Variants in CSGALNACT2 observed in about 807,000 individuals in gnomAD.
CSGALNACT2 encodes beta 4 GalNAcT-2.
Under a neutral mutation model 55.3 loss-of-function variants are expected in CSGALNACT2, and 35 were observed. That is an observed-to-expected ratio of 0.63 (90% CI 0.48 to 0.84). CSGALNACT2 has a LOEUF of 0.84. Among genes scored for constraint, CSGALNACT2 ranks in the 40% least tolerant of loss-of-function variants. CSGALNACT2 has a pLI of 0.00. For missense variants in CSGALNACT2, 544 were observed against 657.5 expected (o/e 0.83, Z 1.89); for synonymous variants, 196 against 224.9 (o/e 0.87, Z 1.15).
At chr10:43,161,057 T>C (rs988065667) in intron 4 of CSGALNACT2, among the ~76,000 whole-genome samples, 5 of 152,296 alleles carry the variant, frequency 3.3e-5, no homozygotes, top group African/African-American at 1.2e-4. Flanking sequence ...CTTTCACAGC[T>C]CAACATCACG....
chr10:43,183,725 T>C lies in CSGALNACT2; in HGVS notation c.*183T>C, dbSNP rs547688010. On this transcript the variant is annotated 3_prime_UTR_variant, in exon 8 of 8. Coordinates refer to ENST00000374466, the MANE Select transcript of CSGALNACT2 (RefSeq NM_018590.5). ...AAAACAAATGTTTCAACACAAAATC[T>C]CTGTTTTGTGAGAATACTGCACTAT... is the stretch of plus-strand genomic sequence containing the variant. The C allele has an allele frequency of 1.7e-6, 1 of 602,256 alleles. No homozygotes were observed. The highest frequency in any genetic ancestry group is 1.9e-5 in the African/African-American group (1 of 54,000). 37.3% of individuals were successfully genotyped at this position (602,256 alleles called of 1,614,324 possible). A position where few individuals can be genotyped will look rare whatever the true frequency, so the allele number is the denominator to read the frequency against.
chr10:43,164,168 A>T, intron 5 of CSGALNACT2, 124 bp downstream of exon 5: 1 of 730,442 alleles, frequency 1.4e-6, no homozygotes, highest in Non-Finnish European at 2.1e-6. Flanking sequence ...TTTTTAAGTT[A>T]TATTAGGCAT....
At chr10:43,181,031 C>A (rs1839579607) in intron 7 of CSGALNACT2, among the ~76,000 whole-genome samples, 1 of 152,218 alleles carries the variant, frequency 6.6e-6, no homozygotes, top group Admixed American at 6.5e-5. Flanking sequence ...TTTCCCCTTC[C>A]CCACTGCTGG....
At chr10:43,152,527 A>G (rs965100525) in intron 1 of CSGALNACT2, among the ~76,000 whole-genome samples, 6 of 152,348 alleles carry the variant, frequency 3.9e-5, no homozygotes, top group African/African-American at 1.4e-4. Context: ...CTTAAAGGGA[A>G]GAGGAAGAAA....
chr10:43,167,076 C>T lies in CSGALNACT2; in HGVS notation c.1232C>T (p.Pro411Leu). ...PAIVYANQEV[P>L]PPVEQQLVHK... ...ATTGTTTATGCCAACCAGGAAGTGC[C>T]ACCACCTGTGGAGCAGCAGCTGGTG... Residue 411 changes from proline to leucine, a missense_variant, in exon 6 of 8, where the codon CCA becomes CTA. Coordinates refer to ENST00000374466, the MANE Select transcript of CSGALNACT2 (RefSeq NM_018590.5). 1 of 1,611,510 alleles carries T rather than the reference C, an allele frequency of 6.2e-7. No individual in the cohort carries two copies. Among genetic ancestry groups the T allele is most frequent in the East Asian group, 2.2e-5 (1 of 44,826 alleles).
chr10:43,162,601 G>GTA (rs1839175987), intron 4 of CSGALNACT2: 1 of 985,276 alleles, frequency 1.0e-6, no homozygotes, highest in Admixed American at 6.1e-5. Flanking sequence ...TGCACTATTT[G>GTA]AGCCTTTGTT....
chr10:43,183,161 T>C, intron 7 of CSGALNACT2, 89 bp from the exon 8 acceptor site: 1 of 1,054,566 alleles, frequency 9.5e-7, no homozygotes, highest in Non-Finnish European at 1.4e-6. Context: ...CCCATCCCTT[T>C]TGAAGCAGAA....
At chr10:43,146,328 G>A (rs1838746891) in intron 1 of CSGALNACT2, among the ~76,000 whole-genome samples, 1 of 152,190 alleles carries the variant, frequency 6.6e-6, no homozygotes, top group African/African-American at 2.4e-5. Context: ...TCTAGGTCAG[G>A]AAGCATCCAG....
At chr10:43,170,012 A>T (rs1839352544) in intron 6 of CSGALNACT2, among the ~76,000 whole-genome samples, 1 of 152,242 alleles carries the variant, frequency 6.6e-6, no homozygotes, top group African/African-American at 2.4e-5. Flanking sequence ...AATCGAGTCC[A>T]GCAAAATGAT....
intron 4 of CSGALNACT2, chr10:43,163,388 G>T: frequency 1.1e-5 from 7 of 624,428 alleles, no homozygotes; most frequent in Non-Finnish European, 1.4e-5. Flanking sequence ...AAGGAAAACA[G>T]CTGAGGAAGA....
intron 2 of CSGALNACT2, 110 bp from the exon 3 acceptor site, chr10:43,158,605 C>T (rs1349294168): frequency 3.2e-6 from 2 of 631,874 alleles, no homozygotes; most frequent in South Asian, 2.0e-5. Flanking sequence ...GGTAAAAATC[C>T]TGCAGGTCTA....
chr10:43,159,298 T>A (rs1839092730), intron 3 of CSGALNACT2, among the ~76,000 whole-genome samples: 1 of 151,538 alleles, frequency 6.6e-6, no homozygotes, highest in African/African-American at 2.4e-5. Context: ...ACTCTTTTTT[T>A]ATTTTTATTT....
chr10:43,144,673 C>T (rs1838704834), intron 1 of CSGALNACT2, among the ~76,000 whole-genome samples: 1 of 151,936 alleles, frequency 6.6e-6, no homozygotes, highest in Non-Finnish European at 1.5e-5. Flanking sequence ...ATAAAATAAA[C>T]CACATATTTA....
chr10:43,147,639 T>C (rs765879815), intron 1 of CSGALNACT2, among the ~76,000 whole-genome samples: 7 of 152,188 alleles, frequency 4.6e-5, no homozygotes, highest in Non-Finnish European at 8.8e-5. Flanking sequence ...TGCTAGTGGA[T>C]GTGGAGTGGT....
rs747051172 is a variant in CSGALNACT2 at position 43,162,263 on chromosome 10, C to T, written c.981-1603C>T. 7.3e-6 allele frequency: 4 copies of T among 548,656 alleles called. No individual in the cohort carries two copies. The African/African-American group carries it at 7.6e-5, about 10-fold the overall frequency. The allele number at this position is 548,656 out of a possible 1,614,324, so 34.0% of individuals were successfully genotyped here. On this transcript the variant is annotated intron_variant, in intron 4 of 7. Coordinates refer to ENST00000374466, the MANE Select transcript of CSGALNACT2 (RefSeq NM_018590.5). ...CGGCTCTGGGCTCACATCTTCTCAG[C>T]TTTGCCATCAGAGAGGAAAGAGCTT...
At chr10:43,167,717 G>C (rs930598622) in intron 6 of CSGALNACT2, among the ~76,000 whole-genome samples, 1 of 151,990 alleles carries the variant, frequency 6.6e-6, no homozygotes, top group Non-Finnish European at 1.5e-5. Flanking sequence ...ATTAATATTG[G>C]TAAGTTACTG....
At chr10:43,160,978 G>A (rs1425187080) in intron 4 of CSGALNACT2, among the ~76,000 whole-genome samples, 2 of 151,478 alleles carry the variant, frequency 1.3e-5, no homozygotes, top group Non-Finnish European at 2.9e-5. Context: ...CAATGTTGAG[G>A]TCTCCCATAT....
At chr10:43,175,393 C>T (rs572267418) in intron 6 of CSGALNACT2, among the ~76,000 whole-genome samples, 3 of 152,310 alleles carry the variant, frequency 2.0e-5, no homozygotes, top group Admixed American at 2.0e-4. Context: ...CCAACAACCA[C>T]CCTGGTTTAC....
chr10:43,148,367 T>A (rs1278037772), intron 1 of CSGALNACT2, among the ~76,000 whole-genome samples: 1 of 152,210 alleles, frequency 6.6e-6, no homozygotes, highest in Non-Finnish European at 1.5e-5. Context: ...ATTATTTGGG[T>A]TATTCTGGGT....
Sources: allele counts gnomAD v4.1 joint callset (sites outside exome capture counted in the v4.1 genomes callset), GRCh38; gene constraint gnomAD v4.1.1; transcripts MANE v1.5; gene names NCBI Gene and HGNC (gene_info 2026-07-23, HGNC 2026-07-21).